The following DMD variants were observed in gnomAD, a reference collection of about 807,000 sequenced individuals.
DMD encodes dystrophin, also known as mutant dystrophin.
Under a neutral mutation model 330.1 loss-of-function variants are expected in DMD, and 63 were observed. That is an observed-to-expected ratio of 0.19 (90% CI 0.16 to 0.24). The LOEUF (loss-of-function observed/expected upper bound fraction) is 0.24. Ranked by LOEUF, DMD falls within the 10% of genes least tolerant of loss-of-function variation. DMD has a pLI of 1.00. For missense variants in DMD, 3,344 were observed against 2,684.1 expected, an observed-to-expected ratio of 1.25 and a Z score of -5.43; for synonymous variants, 1,223 against 959.8, an observed-to-expected ratio of 1.27 and a Z score of -5.07.
At chrX:31,978,470 C>G (rs2095452969) in intron 44 of DMD, among the ~76,000 whole-genome samples, 1 of 111,513 alleles carries the variant, frequency 9.0e-6, no homozygotes, top group Non-Finnish European at 1.9e-5. Context: ...GCATAACATT[C>G]TACACAATCT....
intron 54 of DMD, among the ~76,000 whole-genome samples, chrX:31,636,547 A>G (rs5927026): frequency 0.23 from 25,590 of 110,287 alleles, 2,411 homozygotes; most frequent in East Asian, 0.37. Context: ...CTTTCAGGGA[A>G]GCTGGGTGAG....
intron 41 of DMD, among the ~76,000 whole-genome samples, chrX:32,320,836 G>C (rs192261702): frequency 1.6e-4 from 18 of 111,463 alleles, no homozygotes; most frequent in African/African-American, 5.8e-4. Flanking sequence ...TCTAATGCTG[G>C]TATTATATCT....
intron 1 of DMD, among the ~76,000 whole-genome samples, chrX:33,304,257 T>C (rs367944633): frequency 1.8e-5 from 2 of 110,553 alleles, no homozygotes; most frequent in Non-Finnish European, 3.8e-5. Context: ...TCAGAAATAA[T>C]GCTGCATATC....
intron 60 of DMD, among the ~76,000 whole-genome samples, chrX:31,402,171 G>A (rs112647659): frequency 9.0e-6 from 1 of 111,702 alleles, no homozygotes; most frequent in African/African-American, 3.2e-5. Context: ...ACTGGGGCAG[G>A]GAGGGACTGG....
chrX:31,392,178 A>AT (rs2148795231), intron 60 of DMD, among the ~76,000 whole-genome samples: 1 of 112,061 alleles, frequency 8.9e-6, no homozygotes, highest in African/African-American at 3.2e-5. Context: ...CTCTTCCTTT[A>AT]TTTTCCATTC....
intron 37 of DMD, among the ~76,000 whole-genome samples, chrX:32,351,222 A>C (rs2097780763): frequency 9.0e-6 from 1 of 110,759 alleles, no homozygotes; most frequent in Non-Finnish European, 1.9e-5. Flanking sequence ...ATCCTCTCAA[A>C]ATCCTAATCA....
intron 43 of DMD, among the ~76,000 whole-genome samples, chrX:32,257,104 A>C (rs1027763370): frequency 1.8e-5 from 2 of 112,067 alleles, no homozygotes; most frequent in African/African-American, 6.5e-5. Flanking sequence ...AATACAACTT[A>C]CAAGGGATGT....
rs1603469449 is a variant in DMD, at chrX:31,796,648, A to G, written c.7310-22456T>C. The stretch of plus-strand genomic sequence containing the variant: ...TCTAATAAATGGAATTGGTAGTAAA[A>G]TTATTTGAATTAAGATAATGCTATA... On this transcript the variant is annotated intron_variant, in intron 50 of 78. Transcript: ENST00000357033. Among the ~76,000 whole-genome samples, 3 of 111,751 alleles carry G rather than the reference A, an allele frequency of 2.7e-5. No homozygotes were observed. In the South Asian group the frequency reaches 1.1e-3, roughly 42 times the overall value.
intron 2 of DMD, among the ~76,000 whole-genome samples, chrX:32,925,799 A>C (rs2088957469): frequency 8.9e-6 from 1 of 112,064 alleles, no homozygotes; most frequent in Non-Finnish European, 1.9e-5. Context: ...GCATTGGTGA[A>C]TGTATTAAGT....
chrX:31,163,457 A>C (rs2039080044), intron 74 of DMD, among the ~76,000 whole-genome samples: 1 of 111,708 alleles, frequency 9.0e-6, no homozygotes, highest in Non-Finnish European at 1.9e-5. Context: ...CCCGTATGAA[A>C]ATGGACTAAT....
chrX:31,624,141 C>G (rs1461568240), intron 55 of DMD, among the ~76,000 whole-genome samples: 1 of 111,560 alleles, frequency 9.0e-6, no homozygotes, highest in Non-Finnish European at 1.9e-5. Flanking sequence ...AAGGATAAAT[C>G]TGCAATTTAA....
chrX:32,452,403 AGGAAAGGGAAAG>A, intron 26 of DMD, among the ~76,000 whole-genome samples: 1 of 8,294 alleles, frequency 1.2e-4, no homozygotes, highest in Non-Finnish European at 2.9e-4. Context: ...GGGAAGGGAA[AGGAAAGGGAAAG>A]GGAAAGGGAA....
At chrX:31,522,826 G>A (rs1315833670) in intron 55 of DMD, among the ~76,000 whole-genome samples, 1 of 111,497 alleles carries the variant, frequency 9.0e-6, no homozygotes, top group Admixed American at 9.5e-5. Flanking sequence ...TTTGTCGGGG[G>A]GTACGTGTCA....
At chrX:31,268,218 A>G in intron 62 of DMD, among the ~76,000 whole-genome samples, 1 of 111,955 alleles carries the variant, frequency 8.9e-6, no homozygotes, top group Non-Finnish European at 1.9e-5. Flanking sequence ...TTTCTGCTCA[A>G]CATTTTTCCC....
chrX:32,468,839 G>T (rs2040326307), intron 22 of DMD, 129 bp from the exon 23 acceptor site: 1 of 536,527 alleles, frequency 1.9e-6, no homozygotes, highest in African/African-American at 2.3e-5. Context: ...TCTTCTATCA[G>T]TTATAAACTT....
chrX:32,763,088 G>T (rs368955000), intron 7 of DMD, among the ~76,000 whole-genome samples: 6 of 111,611 alleles, frequency 5.4e-5, no homozygotes, highest in East Asian at 2.8e-4. Context: ...TGCTACCGCT[G>T]TACACAATGA....
At chrX:31,314,290 G>A (rs1351187783) in intron 62 of DMD, among the ~76,000 whole-genome samples, 1 of 112,229 alleles carries the variant, frequency 8.9e-6, no homozygotes, top group Non-Finnish European at 1.9e-5. Context: ...TTATCTATGA[G>A]ACACACTGTT....
At chrX:32,688,239 C>T (rs979396530) in intron 9 of DMD, among the ~76,000 whole-genome samples, 1 of 111,029 alleles carries the variant, frequency 9.0e-6, no homozygotes, top group Non-Finnish European at 1.9e-5. Context: ...ATCCTTGGTT[C>T]GCAAAAATTG....
chrX:33,236,779 A>T (rs943247833), intron 1 of DMD, among the ~76,000 whole-genome samples: 3 of 111,531 alleles, frequency 2.7e-5, no homozygotes, highest in African/African-American at 9.8e-5. Flanking sequence ...AGTGAGGATT[A>T]ACCACTTTTC....
Sources: gnomAD v4.1 joint callset for allele counts (sites outside exome capture counted in the v4.1 genomes callset) on GRCh38, gnomAD v4.1.1 for gene constraint, MANE v1.5 for transcripts, NCBI Gene and HGNC (gene_info 2026-07-23, HGNC 2026-07-21) for gene names.